The following NDUFS4 variants were observed in gnomAD, a reference collection of about 807,000 sequenced individuals.
NDUFS4 encodes NADH dehydrogenase [ubiquinone] iron-sulfur protein 4, mitochondrial.
In NDUFS4, 28 loss-of-function variants were observed where a neutral mutation model predicts 24.3. The observed-to-expected ratio is 1.15, with a 90% CI of 0.85 to 1.58. The LOEUF is 1.58. Ranked by LOEUF, NDUFS4 falls within the 40% of genes most tolerant of loss-of-function variation. The pLI is 0.00. For missense variants in NDUFS4, 223 were observed against 207.9 expected, an observed-to-expected ratio of 1.07 and a Z score of -0.45; for synonymous variants, 93 against 69.7, an observed-to-expected ratio of 1.34 and a Z score of -1.67.
chr5:53,603,562 T>A (rs1476722899), intron 2 of NDUFS4, 32 bp downstream of exon 2: 1 of 1,547,790 alleles, frequency 6.5e-7, no homozygotes, highest in Non-Finnish European at 8.9e-7. Context: ...CTGCTATGGT[T>A]CTGCCTTCAG....
chr5:53,662,917 G>T (rs997576800), intron 4 of NDUFS4, among the ~76,000 whole-genome samples: 1 of 151,968 alleles, frequency 6.6e-6, no homozygotes, highest in South Asian at 2.1e-4. Flanking sequence ...TGATGTTAGG[G>T]TGTCAATTTT....
At chr5:53,584,308 G>A (rs16881514) in intron 1 of NDUFS4, among the ~76,000 whole-genome samples, 19,540 of 152,196 alleles carry the variant, frequency 0.13, 1,479 homozygotes, top group Middle Eastern at 0.18. Context: ...ATAGGAATTA[G>A]AATCTTGGTA....
intron 1 of NDUFS4, among the ~76,000 whole-genome samples, chr5:53,587,038 G>A (rs767262551): frequency 1.3e-4 from 20 of 151,952 alleles, no homozygotes; most frequent in Non-Finnish European, 2.4e-4. Context: ...TGGCCAGGCT[G>A]GTTTCGAACT....
intron 1 of NDUFS4, among the ~76,000 whole-genome samples, chr5:53,589,681 CA>C (rs1190255725): frequency 6.6e-6 from 1 of 152,036 alleles, no homozygotes; most frequent in African/African-American, 2.4e-5. Context: ...AGGGTGTTGC[CA>C]AAGGAGATTA....
intron 1 of NDUFS4, among the ~76,000 whole-genome samples, chr5:53,595,363 A>G (rs1750103913): frequency 1.3e-5 from 2 of 152,318 alleles, no homozygotes; most frequent in South Asian, 4.1e-4. Flanking sequence ...TCCAGTTATT[A>G]ATAACACATG....
intron 2 of NDUFS4, among the ~76,000 whole-genome samples, chr5:53,635,835 T>C (rs1751536235): frequency 2.0e-5 from 3 of 152,166 alleles, no homozygotes; most frequent in African/African-American, 7.2e-5. Flanking sequence ...AGATTTTTCT[T>C]ATTTGGGGGA....
At chr5:53,658,454 T>G in intron 3 of NDUFS4, 97 bp from the exon 4 acceptor site, 1 of 804,550 alleles carries the variant, frequency 1.2e-6, no homozygotes, top group Admixed American at 2.0e-5. Context: ...AATAATGTAC[T>G]TATTTGATTT....
In NDUFS4 at chr5:53,683,125, C is replaced by T; in HGVS notation, c.432C>T (p.Ser144=). The change falls in exon 5 of 5, where the codon AGC becomes AGT. Residue 144 remains serine, a synonymous_variant. Coordinates refer to ENST00000296684, the MANE Select transcript of NDUFS4 (RefSeq NM_002495.4). ...AVSFAEKNGW[S]YDIEERKVPK... The stretch of plus-strand genomic sequence containing the variant: ...TTTGTTTTTTCCTCCTAGGATGGAG[C>T]TATGACATTGAAGAGAGGAAGGTTC... The T allele has an allele frequency of 6.3e-7, 1 of 1,597,152 alleles. No homozygotes were observed.
At chr5:53,633,021 A>G (rs1374385099) in intron 2 of NDUFS4, among the ~76,000 whole-genome samples, 4 of 152,192 alleles carry the variant, frequency 2.6e-5, no homozygotes, top group Non-Finnish European at 5.9e-5. Context: ...TCATTTTAGT[A>G]TATTGCCAGA....
chr5:53,650,786 A>T (rs569108130), intron 3 of NDUFS4, among the ~76,000 whole-genome samples: 59 of 152,316 alleles, frequency 3.9e-4, no homozygotes, highest in African/African-American at 1.3e-3. Flanking sequence ...GCATTAGTGG[A>T]TTGTTTAAAT....
At chr5:53,681,569 T>TAAGC (rs1459650794) in intron 4 of NDUFS4, among the ~76,000 whole-genome samples, 6 of 152,178 alleles carry the variant, frequency 3.9e-5, no homozygotes, top group Non-Finnish European at 8.8e-5. Context: ...TCTCTTAAAG[T>TAAGC]AAGCTATAGC....
At chr5:53,674,460 T>G (rs1445781178) in intron 4 of NDUFS4, among the ~76,000 whole-genome samples, 1 of 152,164 alleles carries the variant, frequency 6.6e-6, no homozygotes, top group East Asian at 1.9e-4. Flanking sequence ...TGCCATTATT[T>G]TAGGGTAGCA....
intron 4 of NDUFS4, among the ~76,000 whole-genome samples, chr5:53,668,069 A>G (rs988462340): frequency 2.6e-5 from 4 of 152,226 alleles, no homozygotes; most frequent in African/African-American, 9.6e-5. Flanking sequence ...GCCTTTCAGT[A>G]GTATCTAGAA....
chr5:53,567,013 T>C (rs1749050245), intron 1 of NDUFS4, among the ~76,000 whole-genome samples: 1 of 151,992 alleles, frequency 6.6e-6, no homozygotes, highest in African/African-American at 2.4e-5. Context: ...CACGCCTGGA[T>C]AATTTCTTTG....
chr5:53,674,437 T>C lies in NDUFS4; in HGVS notation c.425-8681T>C, dbSNP rs1456050918. 2.0e-5 allele frequency among the ~76,000 whole-genome samples: 3 copies of C among 152,146 alleles called. No individual in the cohort carries two copies. In the East Asian group the frequency reaches 5.8e-4, roughly 29 times the overall value. ...AGAGTGGCCTTCCTTCTCTGTTTCT[T>C]CAAATGCCAAGGTGCCATTATTTTA... On this transcript the variant is annotated intron_variant, in intron 4 of 4. Coordinates refer to ENST00000296684, the MANE Select transcript of NDUFS4 (RefSeq NM_002495.4).
intron 2 of NDUFS4, among the ~76,000 whole-genome samples, chr5:53,612,644 A>G (rs1475529635): frequency 1.3e-5 from 2 of 152,102 alleles, no homozygotes; most frequent in Admixed American, 1.3e-4. Context: ...TTTCTTCCAA[A>G]TAGCAATTAA....
intron 4 of NDUFS4, among the ~76,000 whole-genome samples, chr5:53,660,018 TAA>T (rs537903329): frequency 1.2e-3 from 182 of 152,186 alleles, no homozygotes; most frequent in African/African-American, 4.0e-3. Flanking sequence ...TTTTTTTATT[TAA>T]GTTTTAGGGT....
intron 1 of NDUFS4, among the ~76,000 whole-genome samples, chr5:53,600,457 C>T (rs1253544257): frequency 6.6e-6 from 1 of 152,012 alleles, no homozygotes; most frequent in Non-Finnish European, 1.5e-5. Flanking sequence ...TACAGGCATG[C>T]CCCACCAAGC....
At chr5:53,625,517 G>C (rs1225766014) in intron 2 of NDUFS4, among the ~76,000 whole-genome samples, 2 of 152,108 alleles carry the variant, frequency 1.3e-5, no homozygotes, top group East Asian at 3.9e-4. Context: ...TTTCCAGCCA[G>C]TCACTGAGGC....
Sources: gnomAD v4.1 joint callset for allele counts (sites outside exome capture counted in the v4.1 genomes callset) on GRCh38, gnomAD v4.1.1 for gene constraint, MANE v1.5 for transcripts, NCBI Gene and HGNC (gene_info 2026-07-23, HGNC 2026-07-21) for gene names.